Variants in WRNIP1 observed in about 807,000 individuals in gnomAD.
WRNIP1 encodes WRN helicase interacting protein 1, also known as ATPase WRNIP1.
WRNIP1 carries 41 observed loss-of-function variants against 56.1 expected under a neutral mutation model. The observed-to-expected ratio is 0.73, with a 90% CI of 0.57 to 0.95. The LOEUF (loss-of-function observed/expected upper bound fraction) is 0.95, where lower values mean the gene tolerates loss of function less well. Among genes scored for constraint, WRNIP1 ranks in the 40% least tolerant of loss-of-function variants. The probability of loss-of-function intolerance (pLI) is 0.00; values close to 1 mark genes in which losing one functional copy is unlikely to be tolerated. For missense variants in WRNIP1, 1,170 were observed against 939.4 expected, an observed-to-expected ratio of 1.25 and a Z score of -3.21; for synonymous variants, 547 against 398.1, an observed-to-expected ratio of 1.37 and a Z score of -4.45.
intron 3 of WRNIP1, chr6:2,773,296 G>A (rs888719331): frequency 1.3e-5 from 13 of 985,270 alleles, no homozygotes; most frequent in Non-Finnish European, 8.4e-6. Flanking sequence ...CAGAGGGAGC[G>A]CAGTATGATG....
intron 5 of WRNIP1, 92 bp downstream of exon 5, chr6:2,783,653 T>TTTTTTTAG: frequency 8.3e-6 from 1 of 119,820 alleles, no homozygotes; most frequent in Non-Finnish European, 1.1e-5. Context: ...TTTTTTTTTT[T>TTTTTTTAG]GCAGGGCGGG....
intron 6 of WRNIP1, among the ~76,000 whole-genome samples, chr6:2,784,781 T>TA (rs879439318): frequency 7.3e-4 from 108 of 147,582 alleles, no homozygotes; most frequent in African/African-American, 1.5e-3. Flanking sequence ...GTCCTTCAGT[T>TA]AAAAAAAAAA....
chr6:2,770,510 A>C, intron 3 of WRNIP1, 149 bp downstream of exon 3: 1 of 1,225,574 alleles, frequency 8.2e-7, no homozygotes, highest in Non-Finnish European at 1.1e-6. Context: ...AAGAGGAGGG[A>C]AATGTTCGAT....
chr6:2,782,563 C>T (rs1487100110), intron 4 of WRNIP1, among the ~76,000 whole-genome samples: 3 of 152,208 alleles, frequency 2.0e-5, no homozygotes, highest in Non-Finnish European at 4.4e-5. Context: ...GAGTGAGACT[C>T]ACGGGAACAC....
At chr6:2,770,407 G>C in intron 3 of WRNIP1, 46 bp downstream of exon 3, 2 of 1,605,394 alleles carry the variant, frequency 1.2e-6, no homozygotes, top group South Asian at 1.1e-5. Flanking sequence ...ACCTCCCAGA[G>C]AGTCTCCTGG....
chr6:2,766,101 C>A lies in WRNIP1; in HGVS notation c.479C>A (p.Ala160Glu). 10 of 1,316,768 alleles carry A rather than the reference C, an allele frequency of 7.6e-6. No individual in the cohort carries two copies. The highest frequency in any genetic ancestry group is 9.6e-6 in the Non-Finnish European group (10 of 1,040,778). The allele number at this position is 1,316,768 out of a possible 1,614,324, so 81.6% of individuals were successfully genotyped here. ...GCGTCTCCGCGCAGCTGGGACGAGG[C>A]GGAGGCGCAGGAGGAGGAGGAGGCC... is the stretch of plus-strand genomic sequence containing the variant. ...GSASPRSWDEAEAQEEEEAVG... is the reference protein window; with the variant it reads ...GSASPRSWDEEEAQEEEEAVG... The change falls in exon 1 of 7, where the codon GCG (alanine) becomes GAG (glutamate). Residue 160 changes from alanine (A) to glutamate (E), a missense_variant. Transcript: ENST00000380773.
At chr6:2,775,427 A>G (rs1765410110) in intron 3 of WRNIP1, among the ~76,000 whole-genome samples, 1 of 152,336 alleles carries the variant, frequency 6.6e-6, no homozygotes, top group East Asian at 1.9e-4. Flanking sequence ...AAACTTCTAC[A>G]CAGCAGTTAT....
chr6:2,782,872 C>A (rs1765596513), intron 4 of WRNIP1, among the ~76,000 whole-genome samples: 1 of 152,196 alleles, frequency 6.6e-6, no homozygotes, highest in Admixed American at 6.5e-5. Context: ...ACACAGGTGT[C>A]CCCACACCAA....
intron 1 of WRNIP1, among the ~76,000 whole-genome samples, chr6:2,767,598 C>T (rs931517438): frequency 1.6e-4 from 24 of 152,338 alleles, no homozygotes; most frequent in African/African-American, 5.1e-4. Context: ...GAGTTGTTGA[C>T]GTCTGTCCCC....
At chr6:2,783,609 G>A (rs1765629856) in intron 5 of WRNIP1, 48 bp downstream of exon 5, 2 of 971,840 alleles carry the variant, frequency 2.1e-6, no homozygotes, top group Non-Finnish European at 2.6e-6. Context: ...TGAGGGTGGG[G>A]AAATGGCTAA....
rs543296156 is a variant in WRNIP1 at position 2,782,294 on chromosome 6, AGTTT to A, written c.1487-1108_1487-1105del. Among the ~76,000 whole-genome samples the A allele has an allele frequency of 1.6e-4, 25 of 152,368 alleles. 1 individual carries two copies. In the South Asian group the frequency reaches 4.8e-3, roughly 29 times the overall value. On this transcript the variant is annotated intron_variant, in intron 4 of 6. Transcript: ENST00000380773. ...GGGGAGCCCTGCACAGGAGACACTC[AGTTT>A]GTTCTCAGAAATCCAGTAGCTGGGC...
In WRNIP1 at chr6:2,766,248, AC is replaced by A; in HGVS notation, c.631del (p.Arg211GlyfsTer71). ...AFGASGGGRP[H>X]PRALAAEEIR... The stretch of plus-strand genomic sequence containing the variant: ...GGGGCCAGTGGCGGGGGCCGCCCGC[AC>A]CCCCGGGCGCTGGCTGCCGAGGAGA... On this transcript the variant is annotated frameshift_variant, in exon 1 of 7. Coordinates refer to ENST00000380773, the MANE Select transcript of WRNIP1 (RefSeq NM_020135.3). LOFTEE classifies it high-confidence loss of function. 6.7e-7 allele frequency: 1 copy of A among 1,489,036 alleles called. No homozygotes were observed. Among genetic ancestry groups the A allele is most frequent in the African/African-American group, 1.4e-5 (1 of 69,530 alleles). The allele number at this position is 1,489,036 out of a possible 1,614,324, so 92.2% of individuals were successfully genotyped here.
chr6:2,779,556 TTTCCGGAAGCCTGACTGGG>T, intron 4 of WRNIP1, 64 bp downstream of exon 4: 1 of 1,518,676 alleles, frequency 6.6e-7, no homozygotes, highest in Non-Finnish European at 8.9e-7. Flanking sequence ...CACATTCTCA[TTTCCGGAAGCCTGACTGGG>T]TTCCGGAAGC....
chr6:2,780,375 G>A lies in WRNIP1; in HGVS notation c.1486+883G>A, dbSNP rs538323932. 7.2e-5 allele frequency among the ~76,000 whole-genome samples: 11 copies of A among 152,338 alleles called. No individual in the cohort carries two copies. In the East Asian group the frequency reaches 1.7e-3, roughly 24 times the overall value. On this transcript the variant is annotated intron_variant, in intron 4 of 6. Coordinates refer to ENST00000380773, the MANE Select transcript of WRNIP1 (RefSeq NM_020135.3). ...GTGGAGGGGCTTAAGAATGACTTTG[G>A]TTCCAAGCGCTGCCTCTTCGTGGGT...
intron 4 of WRNIP1, among the ~76,000 whole-genome samples, chr6:2,782,837 G>A (rs315007): frequency 0.34 from 52,113 of 152,088 alleles, 9,183 homozygotes; most frequent in South Asian, 0.44. Flanking sequence ...GTTAGTCCAC[G>A]TGTCGGTCCT....
At position 2,765,505 on chromosome 6, in the gene WRNIP1, C is replaced by G. The variant is rs992066005; in HGVS notation, c.-118C>G. On this transcript the variant is annotated 5_prime_UTR_variant, in exon 1 of 7. Coordinates refer to ENST00000380773, the MANE Select transcript of WRNIP1 (RefSeq NM_020135.3). Reference sequence around the variant, plus strand: ...CGCCCTCCTCCGGCCCGCGAGCGTCCTGCTGGTTCCCCGAGCGAGGGTCTC... The same window carrying G: ...CGCCCTCCTCCGGCCCGCGAGCGTCGTGCTGGTTCCCCGAGCGAGGGTCTC... The G allele has an allele frequency of 1.1e-5, 14 of 1,252,150 alleles. No individual in the cohort carries two copies. In the South Asian group the frequency reaches 3.3e-4, roughly 29 times the overall value. 77.6% of individuals were successfully genotyped at this position (1,252,150 alleles called of 1,614,324 possible).
At position 2,766,071 on chromosome 6, in the gene WRNIP1, G is replaced by C. The variant is rs542599099; in HGVS notation, c.449G>C (p.Gly150Ala). 849 of 1,296,314 alleles carry C rather than the reference G, an allele frequency of 6.5e-4. No individual in the cohort carries two copies. The highest frequency in any genetic ancestry group is 5.2e-4 in the Non-Finnish European group (531 of 1,026,732). 80.3% of individuals were successfully genotyped at this position (1,296,314 alleles called of 1,614,324 possible). ...GKRPAAAAAA[G>A]SASPRSWDEA... is the part of the protein sequence containing the mutation. ...AGGCCGGCGGCCGCCGCCGCGGCGG[G>C]GAGCGCGTCTCCGCGCAGCTGGGAC... Residue 150 changes from glycine to alanine, a missense_variant, in exon 1 of 7, where the codon GGG becomes GCG. Physicochemically the swap from Gly to Ala is moderately conservative, Grantham distance 60. Coordinates refer to ENST00000380773, the MANE Select transcript of WRNIP1 (RefSeq NM_020135.3).
At chr6:2,768,990 A>G in intron 2 of WRNIP1, 108 bp downstream of exon 2, 1 of 1,161,926 alleles carries the variant, frequency 8.6e-7, no homozygotes. Context: ...TTTACAAAGA[A>G]GCGTAGGCTT....
rs909562416 is a variant in WRNIP1 at position 2,766,147 on chromosome 6, C to G, written c.525C>G (p.Asp175Glu). Residue 175 changes from aspartate to glutamate, a missense_variant, in exon 1 of 7, where the codon GAC becomes GAG. Coordinates refer to ENST00000380773, the MANE Select transcript of WRNIP1 (RefSeq NM_020135.3). ...AGGCCGTGGGCGACGGCGATGGCGA[C>G]GGGGACGCGGACGCGGACGGCGAGG... ...EEEAVGDGDG[D>E]GDADADGEDD... The G allele has an allele frequency of 3.8e-6, 5 of 1,327,056 alleles. No individual in the cohort carries two copies. Among genetic ancestry groups the G allele is most frequent in the Non-Finnish European group, 4.8e-6 (5 of 1,045,584 alleles). The allele number at this position is 1,327,056 out of a possible 1,614,324, so 82.2% of individuals were successfully genotyped here. A position where few individuals can be genotyped will look rare whatever the true frequency, so the allele number is the denominator to read the frequency against.
Sources: allele counts gnomAD v4.1 joint callset (sites outside exome capture counted in the v4.1 genomes callset), GRCh38; gene constraint gnomAD v4.1.1; transcripts MANE v1.5; gene names NCBI Gene and HGNC (gene_info 2026-07-23, HGNC 2026-07-21).